Variants in ANK2 observed in about 807,000 individuals in gnomAD.
The protein encoded by ANK2 is ankyrin 2.
A neutral mutation model predicts 360.5 loss-of-function variants in ANK2; 83 were observed. That is an observed-to-expected ratio of 0.23 (90% CI 0.19 to 0.28). The LOEUF (loss-of-function observed/expected upper bound fraction) is 0.28. Ranked by LOEUF, ANK2 falls within the 10% of genes least tolerant of loss-of-function variation. The pLI, the probability that ANK2 is intolerant of heterozygous loss-of-function variation, is 1.00. For missense variants in ANK2, 4,201 were observed against 4,795.7 expected (o/e 0.88, Z 3.66); for synonymous variants, 1,740 against 1,759.5 (o/e 0.99, Z 0.28).
chr4:113,368,372 G>A lies in ANK2; in HGVS notation c.11318+521G>A, dbSNP rs554420324. Among the ~76,000 whole-genome samples the A allele has an allele frequency of 2.0e-5, 3 of 152,302 alleles. No individual in the cohort carries two copies. The East Asian group carries it at 5.8e-4, about 29-fold the overall frequency. ...GTGCATTTCAACCAAGCTATGAGGG[G>A]ACTAATCATAAAAATATAAATGCAA... On this transcript the variant is annotated intron_variant, in intron 42 of 45. Transcript: ENST00000357077.
chr4:112,880,389 T>C (rs2076374239), intron 1 of ANK2: 1 of 152,230 alleles, frequency 6.6e-6, no homozygotes, highest in Admixed American at 6.5e-5. Flanking sequence ...GTAGCTAATA[T>C]ACCAGTTGTT....
At chr4:113,316,627 T>G (rs1438576178) in intron 24 of ANK2, among the ~76,000 whole-genome samples, 1 of 152,218 alleles carries the variant, frequency 6.6e-6, no homozygotes, top group Non-Finnish European at 1.5e-5. Context: ...CGTATCTCCT[T>G]TTTTTCCCTT....
intron 2 of ANK2, among the ~76,000 whole-genome samples, chr4:113,014,723 G>A (rs2055946790): frequency 6.6e-6 from 1 of 151,764 alleles, no homozygotes; most frequent in African/African-American, 2.4e-5. Context: ...TGTAAAGATA[G>A]TGAGAAAGTG....
At chr4:112,874,382 C>T (rs2074302173) in intron 1 of ANK2, among the ~76,000 whole-genome samples, 1 of 150,950 alleles carries the variant, frequency 6.6e-6, no homozygotes, top group East Asian at 2.0e-4. Flanking sequence ...TGCAACTGGC[C>T]CACACTTTTA....
intron 11 of ANK2, among the ~76,000 whole-genome samples, chr4:113,256,537 A>G (rs2049436148): frequency 6.6e-6 from 1 of 152,200 alleles, no homozygotes; most frequent in South Asian, 2.1e-4. Flanking sequence ...CTGTCCCTAG[A>G]GCAGCTTTAT....
intron 1 of ANK2, among the ~76,000 whole-genome samples, chr4:113,155,615 A>G (rs1250288783): frequency 6.6e-6 from 1 of 152,148 alleles, no homozygotes; most frequent in Non-Finnish European, 1.5e-5. Flanking sequence ...ATAAATCTAT[A>G]AGAAAATGAG....
intron 22 of ANK2, among the ~76,000 whole-genome samples, chr4:113,300,631 G>A (rs934751907): frequency 6.6e-6 from 1 of 152,144 alleles, no homozygotes; most frequent in African/African-American, 2.4e-5. Context: ...GGAGGATCAG[G>A]GAATGTTTCT....
the ANK2 span, among the ~76,000 whole-genome samples, chr4:112,787,606 G>A: frequency 7.2e-5 from 11 of 152,304 alleles, no homozygotes; most frequent in South Asian, 2.1e-3. Flanking sequence ...AGTCCTTTGA[G>A]TAAGTCCACT....
rs781757783 is a variant in ANK2, at chr4:113,353,524, C to T, written c.4906C>T (p.Leu1636=). ...AAAAGTAGAGAAAGACTCAACTGGGCTAGTGAACTACCTTACTGATGATCT... is the reference window on the plus strand; with the variant it reads ...AAAAGTAGAGAAAGACTCAACTGGGTTAGTGAACTACCTTACTGATGATCT... ...KGKVEKDSTG[L]VNYLTDDLNT... is the part of the protein sequence containing the mutation. The change falls in exon 38 of 46, where the codon CTA becomes TTA. Residue 1636 remains leucine (L), a synonymous_variant. Coordinates refer to ENST00000357077, the MANE Select transcript of ANK2 (RefSeq NM_001148.6). 2.5e-6 allele frequency: 4 copies of T among 1,613,888 alleles called. No individual in the cohort carries two copies. The East Asian group carries it at 8.9e-5, about 36-fold the overall frequency.
Position 113,355,535 on chromosome 4 carries a change from G to T in ANK2, c.6917G>T (p.Ser2306Ile). ...VTEDSETSTE[S>I]FQKEATLGSP... is the part of the protein sequence containing the mutation. ...GAGGACTCAGAGACCTCTACTGAGA[G>T]TTTTCAGAAAGAGGCCACTCTAGGC... is the stretch of plus-strand genomic sequence containing the variant. Residue 2306 changes from serine to isoleucine, a missense_variant, in exon 38 of 46, where the codon AGT becomes ATT. Physicochemically the swap from Ser to Ile is moderately radical, Grantham distance 142. This residue lies in a region of ANK2 where 2,642 missense variants were observed against 2,714.5 expected (regional missense o/e 0.97). Transcript: ENST00000357077. 1 of 1,614,124 alleles carries T rather than the reference G, an allele frequency of 6.2e-7. No homozygotes were observed. Among genetic ancestry groups the T allele is most frequent in the Non-Finnish European group, 8.5e-7 (1 of 1,179,988 alleles).
rs562969071 is a variant in ANK2 at position 113,278,234 on chromosome 4, T to C, written c.1783-226T>C. ...ACATAGCAGTTTAGACCTTTTTACA[T>C]TGTGACCCTCAAGATCCCCTTTGCT... On this transcript the variant is annotated intron_variant, in intron 16 of 45. Transcript: ENST00000357077. Among the ~76,000 whole-genome samples, 225 of 152,296 alleles carry C rather than the reference T, an allele frequency of 1.5e-3. 1 individual carries two copies. The highest frequency in any genetic ancestry group is 1.2e-3 in the Non-Finnish European group (85 of 68,014).
chr4:112,858,437 G>A (rs2066992293), intron 1 of ANK2, among the ~76,000 whole-genome samples: 1 of 152,110 alleles, frequency 6.6e-6, no homozygotes, highest in South Asian at 2.1e-4. Context: ...TGATTGATGA[G>A]TGAGAAAACC....
the ANK2 span, among the ~76,000 whole-genome samples, chr4:112,800,321 A>G: frequency 5.9e-5 from 9 of 152,190 alleles, no homozygotes; most frequent in Non-Finnish European, 1.0e-4. Flanking sequence ...ACTGTATTCT[A>G]GTTTTGCCTA....
chr4:112,803,348 C>T, the ANK2 span, among the ~76,000 whole-genome samples: 1 of 152,064 alleles, frequency 6.6e-6, no homozygotes, highest in East Asian at 1.9e-4. Context: ...TAAAAGCCTA[C>T]TTTATAAGCG....
intron 20 of ANK2, among the ~76,000 whole-genome samples, chr4:113,292,201 T>C (rs1188867451): frequency 1.3e-5 from 2 of 152,218 alleles, no homozygotes. Context: ...TCTGTTAATC[T>C]TGTTTCATCA....
the ANK2 span, among the ~76,000 whole-genome samples, chr4:112,803,032 A>C: frequency 1.2e-4 from 19 of 152,222 alleles, no homozygotes; most frequent in African/African-American, 3.4e-4. Flanking sequence ...CTGTTGTTAT[A>C]ACTGCTGCTT....
intron 2 of ANK2, among the ~76,000 whole-genome samples, chr4:112,936,808 A>G (rs1386723842): frequency 6.6e-6 from 1 of 151,810 alleles, no homozygotes; most frequent in East Asian, 1.9e-4. Context: ...TTGTTTTTTG[A>G]GACAAGGTCT....
At chr4:112,841,359 C>T (rs968034903) in intron 1 of ANK2, among the ~76,000 whole-genome samples, 1 of 151,992 alleles carries the variant, frequency 6.6e-6, no homozygotes, top group African/African-American at 2.4e-5. Flanking sequence ...AAATATGGGT[C>T]ATTAATAAAA....
chr4:112,721,350 G>A, the ANK2 span, among the ~76,000 whole-genome samples: 8 of 152,128 alleles, frequency 5.3e-5, no homozygotes, highest in East Asian at 1.5e-3. Context: ...GACCAGCCTA[G>A]CCAACATAGT....
Sources: allele counts gnomAD v4.1 joint callset (sites outside exome capture counted in the v4.1 genomes callset), GRCh38; gene constraint gnomAD v4.1.1; regional missense constraint gnomAD v4.1.1; transcripts MANE v1.5; gene names NCBI Gene and HGNC (gene_info 2026-07-23, HGNC 2026-07-21).